The following GAB1 variants were observed in gnomAD, a reference collection of about 807,000 sequenced individuals.
GAB1 encodes GRB2-associated-binding protein 1.
In GAB1, 19 loss-of-function variants were observed where a neutral mutation model predicts 66.5. That is an observed-to-expected ratio of 0.29 (90% CI 0.20 to 0.42). The LOEUF (loss-of-function observed/expected upper bound fraction) is 0.42, where lower values mean the gene tolerates loss of function less well. GAB1 is among the 10% of genes least tolerant of loss of function. The pLI, the probability that GAB1 is intolerant of heterozygous loss-of-function variation, is 1.00. For synonymous variants in GAB1, 294 were observed against 301.4 expected, an observed-to-expected ratio of 0.98 and a Z score of 0.25; for missense variants, 732 against 858.5, an observed-to-expected ratio of 0.85 and a Z score of 1.84.
intron 1 of GAB1, among the ~76,000 whole-genome samples, chr4:143,357,762 G>A (rs1729506051): frequency 6.6e-6 from 1 of 152,056 alleles, no homozygotes; most frequent in Admixed American, 6.5e-5. Context: ...CCCTCCTTAA[G>A]TGTGTATTTA....
chr4:143,338,818 A>G (rs1728741786), intron 1 of GAB1, among the ~76,000 whole-genome samples: 1 of 152,160 alleles, frequency 6.6e-6, no homozygotes, highest in Non-Finnish European at 1.5e-5. Flanking sequence ...AGATTCTTGG[A>G]GGAATTAAAG....
chr4:143,341,989 T>A (rs28448391), intron 1 of GAB1, among the ~76,000 whole-genome samples: 1 of 152,174 alleles, frequency 6.6e-6, no homozygotes, highest in Admixed American at 6.5e-5. Context: ...AATTATTCTA[T>A]TGAAGGAAAT....
chr4:143,406,946 GA>G (rs1732077883), intron 1 of GAB1, among the ~76,000 whole-genome samples: 1 of 152,170 alleles, frequency 6.6e-6, no homozygotes, highest in Admixed American at 6.5e-5. Flanking sequence ...GCTGTATTTA[GA>G]ATTAATACAG....
At position 143,340,326 on chromosome 4, in the gene GAB1, G is replaced by A. The variant is rs377441813; in HGVS notation, c.72+3066G>A. Among the ~76,000 whole-genome samples, 3 of 152,234 alleles carry A rather than the reference G, an allele frequency of 2.0e-5. No homozygotes were observed. The East Asian group carries it at 5.8e-4, about 29-fold the overall frequency. On this transcript the variant is annotated intron_variant, in intron 1 of 9. Transcript: ENST00000262994. ...TTTGCTATGAAAAGATATCTTGGAT[G>A]CTTGATACTATAATTATTAAATGAG... is the stretch of plus-strand genomic sequence containing the variant.
intron 1 of GAB1, among the ~76,000 whole-genome samples, chr4:143,340,417 G>T (rs1728788467): frequency 6.6e-6 from 1 of 152,104 alleles, no homozygotes; most frequent in African/African-American, 2.4e-5. Context: ...TTTGACAGTT[G>T]TCTCACTGTT....
chr4:143,426,608 A>G (rs1733370871), intron 2 of GAB1, among the ~76,000 whole-genome samples: 2 of 152,188 alleles, frequency 1.3e-5, no homozygotes, highest in East Asian at 3.9e-4. Flanking sequence ...CTGTGAATGA[A>G]ACATTTTTTC....
At chr4:143,357,593 G>A (rs1007196445) in intron 1 of GAB1, among the ~76,000 whole-genome samples, 1 of 152,072 alleles carries the variant, frequency 6.6e-6, no homozygotes, top group Non-Finnish European at 1.5e-5. Flanking sequence ...GGGTGGGTAG[G>A]GATGACAGTG....
Position 143,406,503 on chromosome 4 carries a change from C to G in GAB1, c.73-8974C>G, listed in dbSNP as rs17017740. 2.1e-3 allele frequency among the ~76,000 whole-genome samples: 317 copies of G among 152,316 alleles called. 2 individuals are homozygous for G. Among genetic ancestry groups the G allele is most frequent in the African/African-American group, 7.2e-3 (300 of 41,580 alleles). On this transcript the variant is annotated intron_variant, in intron 1 of 9. Transcript: ENST00000262994. ...ACTTGTGTTCCAAATCTTTAGCTGGCCAGATTGCATGTAAACTCCAACTAA... is the reference window on the plus strand; with the variant it reads ...ACTTGTGTTCCAAATCTTTAGCTGGGCAGATTGCATGTAAACTCCAACTAA...
chr4:143,379,060 A>G (rs73853826), intron 1 of GAB1, among the ~76,000 whole-genome samples: 1 of 152,156 alleles, frequency 6.6e-6, no homozygotes, highest in Admixed American at 6.5e-5. Flanking sequence ...TGTTATGAAA[A>G]AAAGGGGGAC....
rs189680662 is a variant in GAB1 at position 143,387,330 on chromosome 4, C to A, written c.73-28147C>A. The stretch of plus-strand genomic sequence containing the variant: ...ATTTTTAATAGAGACAGGATTTCTC[C>A]ATGTTGGTCAGGCTGGTCTCAAACT... On this transcript the variant is annotated intron_variant, in intron 1 of 9. Transcript: ENST00000262994. Among the ~76,000 whole-genome samples, 945 of 152,244 alleles carry A rather than the reference C, an allele frequency of 6.2e-3. 14 individuals are homozygous for A. The highest frequency in any genetic ancestry group is 0.022 in the African/African-American group (903 of 41,542).
At chr4:143,348,012 G>A (rs894560296) in intron 1 of GAB1, among the ~76,000 whole-genome samples, 3 of 152,132 alleles carry the variant, frequency 2.0e-5, no homozygotes, top group African/African-American at 7.2e-5. Context: ...CTAAGTGTTG[G>A]AGTTCTTGAG....
At position 143,474,261 on chromosome 4, in the gene GAB1, G is replaced by A. The variant is rs1387847646; in HGVS notation, c.*5072G>A. On this transcript the variant is annotated 3_prime_UTR_variant, in exon 10 of 10. Coordinates refer to ENST00000262994, the MANE Select transcript of GAB1 (RefSeq NM_002039.4). Reference sequence around the variant, plus strand: ...AAAAGATTTTATTACTATTACTTATGGTTATTGGTGATTAACACTTAATGC... The same window carrying A: ...AAAAGATTTTATTACTATTACTTATAGTTATTGGTGATTAACACTTAATGC... 1 of 152,108 alleles carries A rather than the reference G, an allele frequency of 6.6e-6. No homozygotes were observed. The highest frequency in any genetic ancestry group is 2.4e-5 in the African/African-American group (1 of 41,434). The allele number at this position is 152,108 out of a possible 1,614,324, so 9.4% of individuals were successfully genotyped here.
At chr4:143,378,335 A>G (rs1730501934) in intron 1 of GAB1, among the ~76,000 whole-genome samples, 1 of 152,192 alleles carries the variant, frequency 6.6e-6, no homozygotes, top group Non-Finnish European at 1.5e-5. Context: ...GTTTCTTTTA[A>G]TGTCATGGGG....
intron 1 of GAB1, among the ~76,000 whole-genome samples, chr4:143,340,983 A>C (rs1382832752): frequency 6.6e-6 from 1 of 152,228 alleles, no homozygotes; most frequent in Non-Finnish European, 1.5e-5. Flanking sequence ...ATGACACACA[A>C]AAAAATGAAA....
At chr4:143,356,904 C>A (rs1464506057) in intron 1 of GAB1, among the ~76,000 whole-genome samples, 2 of 152,108 alleles carry the variant, frequency 1.3e-5, no homozygotes, top group Non-Finnish European at 2.9e-5. Context: ...ACTTTCCATA[C>A]CCTCTCAAAA....
Position 143,438,224 on chromosome 4 carries a change from G to A in GAB1, c.819G>A (p.Val273=). The change falls in exon 4 of 10, where the codon GTG becomes GTA. Residue 273 remains valine (V), a synonymous_variant. Coordinates refer to ENST00000262994, the MANE Select transcript of GAB1 (RefSeq NM_002039.4). ...ATTCCCATGATGTTTTACCAAAGGT[G>A]TCTCCATCAAGTACTGAAGCAGATG... ...RSYSHDVLPK[V]SPSSTEADGE... The A allele has an allele frequency of 6.2e-7, 1 of 1,614,062 alleles. No homozygotes were observed. The highest frequency in any genetic ancestry group is 8.5e-7 in the Non-Finnish European group (1 of 1,180,022).
chr4:143,344,645 A>G (rs1269263404), intron 1 of GAB1, among the ~76,000 whole-genome samples: 1 of 152,164 alleles, frequency 6.6e-6, no homozygotes, highest in African/African-American at 2.4e-5. Context: ...TGGCTATAGG[A>G]GCCTCAATAA....
intron 1 of GAB1, among the ~76,000 whole-genome samples, chr4:143,401,785 T>G (rs1378905373): frequency 1.3e-5 from 2 of 152,194 alleles, no homozygotes; most frequent in African/African-American, 4.8e-5. Flanking sequence ...GAATAAAGAT[T>G]AGATGAGAAT....
At chr4:143,370,732 T>A (rs1004832193) in intron 1 of GAB1, among the ~76,000 whole-genome samples, 4 of 152,166 alleles carry the variant, frequency 2.6e-5, no homozygotes, top group Admixed American at 6.5e-5. Context: ...CGGGGTGTGA[T>A]GTTCCCTGCC....
Sources: allele counts gnomAD v4.1 joint callset (sites outside exome capture counted in the v4.1 genomes callset), GRCh38; gene constraint gnomAD v4.1.1; transcripts MANE v1.5; gene names NCBI Gene and HGNC (gene_info 2026-07-23, HGNC 2026-07-21).